The following ADGRB3 variants were observed in gnomAD, a reference collection of about 807,000 sequenced individuals.
The protein encoded by ADGRB3 is adhesion G protein-coupled receptor B3.
A neutral mutation model predicts 193.4 loss-of-function variants in ADGRB3; 37 were observed. The observed-to-expected ratio is 0.19, with a 90% CI of 0.15 to 0.25. The LOEUF is 0.25. Ranked by LOEUF, ADGRB3 falls within the 10% of genes least tolerant of loss-of-function variation. The pLI, the probability that ADGRB3 is intolerant of heterozygous loss-of-function variation, is 1.00. For synonymous variants in ADGRB3, 690 were observed against 644.2 expected (o/e 1.07, Z -1.08); for missense variants, 1,637 against 1,852.9 (o/e 0.88, Z 2.14).
chr6:69,121,856 T>C (rs776212654), intron 17 of ADGRB3, among the ~76,000 whole-genome samples: 16 of 129,208 alleles, frequency 1.2e-4, no homozygotes, highest in African/African-American at 2.7e-4. Context: ...ACCTCCCAGA[T>C]GGGGTGGCGG....
chr6:69,350,073 T>C (rs573567838), intron 26 of ADGRB3, among the ~76,000 whole-genome samples: 1 of 152,186 alleles, frequency 6.6e-6, no homozygotes, highest in Non-Finnish European at 1.5e-5. Context: ...ATCCCTCTCC[T>C]GGTTCAGAAG....
rs935753446 is a variant in ADGRB3, at chr6:69,361,227, C to G, written c.3954C>G (p.Asn1318Lys). 1 of 1,612,568 alleles carries G rather than the reference C, an allele frequency of 6.2e-7. No homozygotes were observed. The highest frequency in any genetic ancestry group is 1.3e-5 in the African/African-American group (1 of 74,834). ...YIVMPRSSVN[N>K]QPSMKEESKM... ...TGATGCCCAGAAGTTCTGTAAATAA[C>G]CAGCCTTCAATGAAAGAAGAAAGCA... Residue 1318 changes from asparagine (N) to lysine (K), a missense_variant, in exon 29 of 32, where the codon AAC (asparagine) becomes AAG (lysine). Physicochemically the swap from Asn to Lys is moderately conservative, Grantham distance 94 (BLOSUM62 0). This residue lies in a region of ADGRB3 where 368 missense variants were observed against 367.4 expected (regional missense o/e 1.00). Transcript: ENST00000370598.
intron 20 of ADGRB3, among the ~76,000 whole-genome samples, chr6:69,304,584 C>G (rs1332936771): frequency 1.3e-5 from 2 of 151,514 alleles, no homozygotes; most frequent in African/African-American, 4.9e-5. Context: ...GCTTCTTTGA[C>G]AGTTATATTT....
At chr6:68,961,454 TA>T (rs766806435) in intron 8 of ADGRB3, among the ~76,000 whole-genome samples, 2 of 152,146 alleles carry the variant, frequency 1.3e-5, no homozygotes, top group Non-Finnish European at 2.9e-5. Context: ...CATACACTTA[TA>T]AAATACTTGG....
chr6:69,348,219 T>C (rs1769148278), intron 26 of ADGRB3, among the ~76,000 whole-genome samples: 1 of 152,134 alleles, frequency 6.6e-6, no homozygotes, highest in African/African-American at 2.4e-5. Context: ...TAACAGAAAT[T>C]GACAAACTCT....
At chr6:69,027,013 TA>T (rs1232180957) in intron 13 of ADGRB3, among the ~76,000 whole-genome samples, 2 of 152,020 alleles carry the variant, frequency 1.3e-5, no homozygotes, top group Non-Finnish European at 2.9e-5. Context: ...CTAAATTTAT[TA>T]AAAAAATATT....
At chr6:69,087,184 TTC>T (rs147458157) in intron 17 of ADGRB3, among the ~76,000 whole-genome samples, 1,608 of 152,320 alleles carry the variant, frequency 0.011, 31 homozygotes, top group Middle Eastern at 0.031. Context: ...TGCATTTATT[TTC>T]TTTCATTGTT....
chr6:68,854,171 A>G (rs1291376936), intron 3 of ADGRB3, among the ~76,000 whole-genome samples: 2 of 152,116 alleles, frequency 1.3e-5, no homozygotes, highest in African/African-American at 2.4e-5. Context: ...AGCATTTGTC[A>G]TTTCCTTCCA....
intron 3 of ADGRB3, among the ~76,000 whole-genome samples, chr6:68,778,577 A>G (rs887835089): frequency 6.6e-6 from 1 of 152,146 alleles, no homozygotes; most frequent in Non-Finnish European, 1.5e-5. Context: ...CTTGTTAGTC[A>G]TCGGCATAAT....
At chr6:69,213,777 T>C (rs1351924426) in intron 17 of ADGRB3, among the ~76,000 whole-genome samples, 2 of 152,184 alleles carry the variant, frequency 1.3e-5, no homozygotes, top group Non-Finnish European at 2.9e-5. Flanking sequence ...CTAGATTAGA[T>C]AGATGGATCA....
chr6:68,888,156 G>A (rs1309426983), intron 3 of ADGRB3, among the ~76,000 whole-genome samples: 1 of 152,138 alleles, frequency 6.6e-6, no homozygotes, highest in African/African-American at 2.4e-5. Flanking sequence ...TTGCAGTGGA[G>A]CTCATGGAAC....
At chr6:69,133,205 TA>T (rs551304425) in intron 17 of ADGRB3, among the ~76,000 whole-genome samples, 2 of 152,204 alleles carry the variant, frequency 1.3e-5, no homozygotes, top group Non-Finnish European at 2.9e-5. Flanking sequence ...ATCTATAAAT[TA>T]CTTTGGGCAG....
intron 24 of ADGRB3, among the ~76,000 whole-genome samples, chr6:69,337,256 G>GGAAA: frequency 3.2e-4 from 49 of 152,218 alleles, no homozygotes; most frequent in African/African-American, 1.1e-3. Flanking sequence ...ACACCATACA[G>GGAAA]CCTATCTTCT....
chr6:69,230,621 T>A, intron 17 of ADGRB3, among the ~76,000 whole-genome samples: 1 of 152,008 alleles, frequency 6.6e-6, no homozygotes, highest in East Asian at 2.0e-4. Context: ...TAAAAAAAAC[T>A]CTCATGAGTT....
intron 17 of ADGRB3, among the ~76,000 whole-genome samples, chr6:69,170,366 C>A (rs1775240670): frequency 1.3e-5 from 2 of 152,154 alleles, no homozygotes; most frequent in African/African-American, 4.8e-5. Flanking sequence ...TTACGGCACT[C>A]AACTAGTATT....
intron 16 of ADGRB3, among the ~76,000 whole-genome samples, chr6:69,065,610 T>G (rs539969289): frequency 6.6e-6 from 1 of 152,228 alleles, no homozygotes; most frequent in South Asian, 2.1e-4. Flanking sequence ...TATAAAGATA[T>G]ATTCTATGTA....
At chr6:68,887,994 G>T (rs1257998919) in intron 3 of ADGRB3, among the ~76,000 whole-genome samples, 1 of 152,124 alleles carries the variant, frequency 6.6e-6, no homozygotes, top group Non-Finnish European at 1.5e-5. Flanking sequence ...TCCTTTCCAA[G>T]TATTGTGCTT....
chr6:69,337,913 G>A (rs940140106), intron 24 of ADGRB3, among the ~76,000 whole-genome samples: 18 of 152,212 alleles, frequency 1.2e-4, no homozygotes, highest in African/African-American at 2.9e-4. Flanking sequence ...AACCTACAGA[G>A]TAATCATTTT....
At chr6:69,018,561 A>G in intron 13 of ADGRB3, 62 bp downstream of exon 13, 1 of 1,016,624 alleles carries the variant, frequency 9.8e-7, no homozygotes, top group Non-Finnish European at 1.5e-6. Flanking sequence ...AAGTATCTAC[A>G]CCATACGTTT....
Sources: gnomAD v4.1 joint callset for allele counts (sites outside exome capture counted in the v4.1 genomes callset) on GRCh38, gnomAD v4.1.1 for gene constraint, gnomAD v4.1.1 regional missense constraint, MANE v1.5 for transcripts, NCBI Gene and HGNC (gene_info 2026-07-23, HGNC 2026-07-21) for gene names.